The following PPARA variants were observed in gnomAD, a reference collection of about 807,000 sequenced individuals.
The protein encoded by PPARA is peroxisome proliferator activated receptor alpha.
Under a neutral mutation model 42.2 loss-of-function variants are expected in PPARA, and 22 were observed. The ratio of observed to expected loss-of-function variants is 0.52; its 90% CI spans 0.37 to 0.74. PPARA has a LOEUF of 0.74. PPARA is among the 30% of genes least tolerant of loss of function. The pLI is 0.00. For synonymous variants in PPARA, 242 were observed against 239.3 expected, an observed-to-expected ratio of 1.01 and a Z score of -0.10; for missense variants, 465 against 608.2, an observed-to-expected ratio of 0.76 and a Z score of 2.48.
intron 2 of PPARA, among the ~76,000 whole-genome samples, chr22:46,166,618 C>CA (rs60478706): frequency 0.17 from 17,874 of 105,548 alleles, 1,295 homozygotes; most frequent in South Asian, 0.27. Context: ...ACTACCATCT[C>CA]AAAAAAAAAA....
chr22:46,227,967 C>A lies in PPARA; in HGVS notation c.712-3825C>A, dbSNP rs948505823. On this transcript the variant is annotated intron_variant, in intron 7 of 8. Transcript: ENST00000407236. This position sits in a 1 kb window ranked among gnomAD's most constrained non-coding sequence, Gnocchi z 4.3. ...CTTTAGCTTTAATAAACATTGGTTT[C>A]TTCATGGTACCACTCATTTTGAATT... Among the ~76,000 whole-genome samples the A allele has an allele frequency of 1.6e-4, 25 of 152,292 alleles. No homozygotes were observed. The highest frequency in any genetic ancestry group is 5.1e-4 in the African/African-American group (21 of 41,558).
chr22:46,158,982 G>C (rs117601978), intron 2 of PPARA, among the ~76,000 whole-genome samples: 1 of 152,000 alleles, frequency 6.6e-6, no homozygotes, highest in Non-Finnish European at 1.5e-5. Context: ...CTCTGCCTCC[G>C]GGGTTCCAGT....
rs757171432 is a variant in PPARA at position 46,160,063 on chromosome 22, C to T, written c.-127+8093C>T. 3.3e-5 allele frequency among the ~76,000 whole-genome samples: 5 copies of T among 152,190 alleles called. No individual in the cohort carries two copies. Among genetic ancestry groups the T allele is most frequent in the East Asian group, 1.9e-4 (1 of 5,192 alleles). ...CAGCCTGAAAACCACAGTCTTGAAC[C>T]GCCAGCGAAGGGCTGGGAAGTGCGG... On this transcript the variant is annotated intron_variant, in intron 2 of 8. Coordinates refer to ENST00000407236, the MANE Select transcript of PPARA (RefSeq NM_005036.6). This position sits in a 1 kb window ranked among gnomAD's most constrained non-coding sequence, Gnocchi z 4.5.
At chr22:46,208,420 C>T (rs1426001085) in intron 4 of PPARA, among the ~76,000 whole-genome samples, 6 of 151,926 alleles carry the variant, frequency 3.9e-5, no homozygotes, top group South Asian at 2.1e-4. Flanking sequence ...CGGTGGTACA[C>T]GCCTATAGTC....
At chr22:46,198,941 G>T (rs1177468349) in intron 4 of PPARA, among the ~76,000 whole-genome samples, 2 of 152,150 alleles carry the variant, frequency 1.3e-5, no homozygotes, top group African/African-American at 2.4e-5. Flanking sequence ...TTATAGGCGT[G>T]AGCCACCGCG....
Position 46,167,423 on chromosome 22 carries a change from G to A in PPARA, c.-126-9330G>A, listed in dbSNP as rs570816536. 1.3e-4 allele frequency among the ~76,000 whole-genome samples: 19 copies of A among 151,998 alleles called. No individual in the cohort carries two copies. Among genetic ancestry groups the A allele is most frequent in the African/African-American group, 4.6e-4 (19 of 41,368 alleles). The stretch of plus-strand genomic sequence containing the variant: ...TCTTGCACTTTGAGAGGCCAAGGCG[G>A]GTGGATCACTTGGCCCCAGGAGTTA... On this transcript the variant is annotated intron_variant, in intron 2 of 8. Coordinates refer to ENST00000407236, the MANE Select transcript of PPARA (RefSeq NM_005036.6). This position sits in a 1 kb window ranked among gnomAD's most constrained non-coding sequence, Gnocchi z 4.1.
In PPARA at chr22:46,163,821, G is replaced by A. The variant is rs568984200; in HGVS notation, c.-127+11851G>A. 6.6e-6 allele frequency: 1 copy of A among 152,424 alleles called. No individual in the cohort carries two copies. The highest frequency in any genetic ancestry group is 1.9e-4 in the East Asian group (1 of 5,194). The allele number at this position is 152,424 out of a possible 1,614,324, so 9.4% of individuals were successfully genotyped here. ...TGCTTTCCCCCATGGGAGTGACAAG[G>A]ATGTGTCCCGCCAGCCTTCCACGAC... is the stretch of plus-strand genomic sequence containing the variant. On this transcript the variant is annotated intron_variant, in intron 2 of 8. Coordinates refer to ENST00000407236, the MANE Select transcript of PPARA (RefSeq NM_005036.6). This position sits in a 1 kb window ranked among gnomAD's most constrained non-coding sequence, Gnocchi z 4.9.
chr22:46,204,559 T>C lies in PPARA; in HGVS notation c.208+5968T>C, dbSNP rs1569225132. Among the ~76,000 whole-genome samples, 2 of 152,190 alleles carry C rather than the reference T, an allele frequency of 1.3e-5. No homozygotes were observed. Among genetic ancestry groups the C allele is most frequent in the Non-Finnish European group, 2.9e-5 (2 of 68,032 alleles). On this transcript the variant is annotated intron_variant, in intron 4 of 8. Coordinates refer to ENST00000407236, the MANE Select transcript of PPARA (RefSeq NM_005036.6). The surrounding 1 kb of genome is among the most constrained non-coding windows in gnomAD (Gnocchi z 5.2). ...TGATCAGTCTTTTTAATTTTAACCA[T>C]GTCAGTAGGTGTGTGATGGTCTCTC... is the stretch of plus-strand genomic sequence containing the variant.
chr22:46,218,346 C>G lies in PPARA; in HGVS notation c.453C>G (p.Asn151Lys). 6.2e-7 allele frequency: 1 copy of G among 1,614,058 alleles called. No homozygotes were observed. The highest frequency in any genetic ancestry group is 8.5e-7 in the Non-Finnish European group (1 of 1,180,002). ...GCAAGATCCAGAAAAAGAACAGAAACAAATGCCAGTATTGTCGATTTCACA... is the reference window on the plus strand; with the variant it reads ...GCAAGATCCAGAAAAAGAACAGAAAGAAATGCCAGTATTGTCGATTTCACA... ...RSCKIQKKNRNKCQYCRFHKC... is the reference protein window; with the variant it reads ...RSCKIQKKNRKKCQYCRFHKC... The change falls in exon 6 of 9, where the codon AAC (asparagine) becomes AAG (lysine). Residue 151 changes from asparagine to lysine, a missense_variant. This residue lies in a region of PPARA where 313 missense variants were observed against 469.1 expected (regional missense o/e 0.67). Coordinates refer to ENST00000407236, the MANE Select transcript of PPARA (RefSeq NM_005036.6).
At chr22:46,185,966 C>T (rs10775794) in intron 3 of PPARA, among the ~76,000 whole-genome samples, 5,383 of 21,738 alleles carry the variant, frequency 0.25, 1,070 homozygotes, top group East Asian at 0.44. Flanking sequence ...TATATATATA[C>T]ACACACACTA....
At chr22:46,226,562 G>T (rs575071426) in intron 7 of PPARA, among the ~76,000 whole-genome samples, 25 of 152,262 alleles carry the variant, frequency 1.6e-4, no homozygotes, top group African/African-American at 5.5e-4. Context: ...TTCAGTTATG[G>T]AAGATTTTAC....
At chr22:46,194,154 C>T (rs1283795472) in intron 3 of PPARA, among the ~76,000 whole-genome samples, 3 of 152,306 alleles carry the variant, frequency 2.0e-5, no homozygotes, top group African/African-American at 7.2e-5. Context: ...GCAACTGTTC[C>T]TTATCTGCTC....
chr22:46,168,351 CAAAAAAAAAAAAAAAAA>C (rs35345592), intron 2 of PPARA, among the ~76,000 whole-genome samples: 1 of 14,384 alleles, frequency 7.0e-5, no homozygotes, highest in African/African-American at 2.2e-4. Context: ...GACTCCATCT[CAAAAAAAAAAAAAAAAA>C]AAAAAAAAAA....
intron 4 of PPARA, among the ~76,000 whole-genome samples, chr22:46,214,876 C>T (rs959919252): frequency 6.8e-6 from 1 of 147,268 alleles, no homozygotes; most frequent in Non-Finnish European, 1.5e-5. Flanking sequence ...CGGAGATATG[C>T]GGGGCGGAGA....
chr22:46,232,583 G>GT lies in PPARA; in HGVS notation c.1159+346dup, dbSNP rs1393096081. On this transcript the variant is annotated intron_variant, in intron 8 of 8. Coordinates refer to ENST00000407236, the MANE Select transcript of PPARA (RefSeq NM_005036.6). This position sits in a 1 kb window ranked among gnomAD's most constrained non-coding sequence, Gnocchi z 5.3. ...GCAAAAGGATCTCTTGAGCCCAGGAGTTCAGGTTGCAATGAGTTATGAATG... is the reference window on the plus strand; with the variant it reads ...GCAAAAGGATCTCTTGAGCCCAGGAGTTTCAGGTTGCAATGAGTTATGAATG... Among the ~76,000 whole-genome samples, 1 of 151,878 alleles carries GT rather than the reference G, an allele frequency of 6.6e-6. No individual in the cohort carries two copies. The highest frequency in any genetic ancestry group is 1.5e-5 in the Non-Finnish European group (1 of 68,018).
rs934929470 is a variant in PPARA, at chr22:46,224,780, T to C, written c.711+4766T>C. On this transcript the variant is annotated intron_variant, in intron 7 of 8. Transcript: ENST00000407236. The surrounding 1 kb of genome is among the most constrained non-coding windows in gnomAD (Gnocchi z 5.7). ...CTGGGGTGAAAGCAACCCTGAAATG[T>C]TCAAAGCCTTGATGGGGAAGCACGG... is the stretch of plus-strand genomic sequence containing the variant. Among the ~76,000 whole-genome samples the C allele has an allele frequency of 6.6e-6, 1 of 152,188 alleles. No individual in the cohort carries two copies. The highest frequency in any genetic ancestry group is 1.5e-5 in the Non-Finnish European group (1 of 68,032).
intron 2 of PPARA, among the ~76,000 whole-genome samples, chr22:46,154,129 C>T (rs998391441): frequency 6.6e-6 from 1 of 152,008 alleles, no homozygotes; most frequent in East Asian, 1.9e-4. Context: ...GGCTACTGTC[C>T]GCAGTGCTGA....
rs376711535 is a variant in PPARA at position 46,203,268 on chromosome 22, A to G, written c.208+4677A>G. On this transcript the variant is annotated intron_variant, in intron 4 of 8. Transcript: ENST00000407236. The surrounding 1 kb of genome is among the most constrained non-coding windows in gnomAD (Gnocchi z 5.8). Reference sequence around the variant, plus strand: ...TTGTACCTAATCTGATCTTTTGGGTAATATTCCTAGTTATGTAGACTGGTC... The same window carrying G: ...TTGTACCTAATCTGATCTTTTGGGTGATATTCCTAGTTATGTAGACTGGTC... 2.2e-4 allele frequency among the ~76,000 whole-genome samples: 34 copies of G among 152,312 alleles called. No individual in the cohort carries two copies. In the South Asian group the frequency reaches 6.8e-3, roughly 31 times the overall value.
chr22:46,240,713 C>T lies in PPARA; in HGVS notation c.*5333C>T, dbSNP rs948786724. ...ACACTTCCCATTTTTACGGCATTGGCATTGCCAAGCATGGGGAAGTATCTG... is the reference window on the plus strand; with the variant it reads ...ACACTTCCCATTTTTACGGCATTGGTATTGCCAAGCATGGGGAAGTATCTG... On this transcript the variant is annotated 3_prime_UTR_variant, in exon 9 of 9. Transcript: ENST00000407236. The surrounding 1 kb of genome is among the most constrained non-coding windows in gnomAD (Gnocchi z 6.0). The T allele has an allele frequency of 7.2e-5, 11 of 153,824 alleles. No individual in the cohort carries two copies. Among genetic ancestry groups the T allele is most frequent in the Non-Finnish European group, 1.0e-4 (7 of 69,158 alleles). The allele number at this position is 153,824 out of a possible 1,614,324, so 9.5% of individuals were successfully genotyped here. A position where few individuals can be genotyped will look rare whatever the true frequency, so the allele number is the denominator to read the frequency against.
Sources: gnomAD v4.1 joint callset for allele counts (sites outside exome capture counted in the v4.1 genomes callset) on GRCh38, gnomAD v4.1.1 for gene constraint, gnomAD v4.1.1 regional missense constraint, Gnocchi (gnomAD v3.1) non-coding constraint, MANE v1.5 for transcripts, NCBI Gene and HGNC (gene_info 2026-07-23, HGNC 2026-07-21) for gene names.